Variants in CNBD1 observed in about 807,000 individuals in gnomAD.
The protein encoded by CNBD1 is cyclic nucleotide binding domain containing 1.
Under a neutral mutation model 54.4 loss-of-function variants are expected in CNBD1, and 71 were observed. The ratio of observed to expected loss-of-function variants is 1.30; its 90% CI spans 1.08 to 1.59. The LOEUF is 1.59. Among genes scored for constraint, CNBD1 ranks in the 40% most tolerant of loss-of-function variants. The pLI is 0.00. For missense variants in CNBD1, 659 were observed against 518.0 expected (o/e 1.27, Z -2.64); for synonymous variants, 182 against 170.7 (o/e 1.07, Z -0.51).
At chr8:87,387,952 G>A (rs565154947) in intron 2 of CNBD1, among the ~76,000 whole-genome samples, 1 of 151,998 alleles carries the variant, frequency 6.6e-6, no homozygotes, top group African/African-American at 2.4e-5. Context: ...TTAAGAAACT[G>A]ACTCAAAACC....
At chr8:86,987,934 A>G (rs980333739) in intron 4 of CNBD1, among the ~76,000 whole-genome samples, 1 of 152,130 alleles carries the variant, frequency 6.6e-6, no homozygotes, top group African/African-American at 2.4e-5. Context: ...GTCTATGTTC[A>G]TCAGAGATAT....
chr8:86,984,963 T>TCATTTG (rs1808573680), intron 4 of CNBD1, among the ~76,000 whole-genome samples: 1 of 151,970 alleles, frequency 6.6e-6, no homozygotes, highest in South Asian at 2.1e-4. Context: ...GGGGTCGGGG[T>TCATTTG]GGAATGACAT....
At chr8:87,179,916 C>T (rs1372230392) in intron 4 of CNBD1, among the ~76,000 whole-genome samples, 1 of 152,096 alleles carries the variant, frequency 6.6e-6, no homozygotes, top group Non-Finnish European at 1.5e-5. Context: ...CAGGATGTCA[C>T]CATGAATCAC....
chr8:87,365,966 C>T (rs1275365109), intron 10 of CNBD1, among the ~76,000 whole-genome samples: 1 of 152,000 alleles, frequency 6.6e-6, no homozygotes, highest in Non-Finnish European at 1.5e-5. Flanking sequence ...ACTCTTAAGT[C>T]ATAAAATGTC....
chr8:86,982,318 G>C (rs897682773), intron 4 of CNBD1, among the ~76,000 whole-genome samples: 1 of 152,086 alleles, frequency 6.6e-6, no homozygotes, highest in Admixed American at 6.6e-5. Flanking sequence ...TTTTCTATCA[G>C]TTTGTGGCTT....
In CNBD1 at chr8:87,106,378, A is replaced by G. The variant is rs1037642859; in HGVS notation, c.432-99615A>G. 5.9e-5 allele frequency among the ~76,000 whole-genome samples: 9 copies of G among 151,772 alleles called. 1 individual carries two copies. The South Asian group carries it at 1.7e-3, about 28-fold the overall frequency. ...AGGCACCTGCCACCATGCCCAGCTA[A>G]TTTTTGTATTTTTGTAGAGCTGGGG... On this transcript the variant is annotated intron_variant, in intron 4 of 10. Coordinates refer to ENST00000518476, the MANE Select transcript of CNBD1 (RefSeq NM_173538.3).
intron 2 of CNBD1, among the ~76,000 whole-genome samples, chr8:87,424,695 TAGTC>T (rs1462557723): frequency 6.6e-6 from 1 of 152,216 alleles, no homozygotes; most frequent in Non-Finnish European, 1.5e-5. Context: ...GATCCGCTGT[TAGTC>T]TGATGGGCTT....
At chr8:87,247,216 T>C (rs1247455106) in intron 6 of CNBD1, among the ~76,000 whole-genome samples, 4 of 152,174 alleles carry the variant, frequency 2.6e-5, no homozygotes, top group Admixed American at 6.6e-5. Context: ...AAGCAGTTGA[T>C]TCGCTTCTAG....
rs531874684 is a variant in CNBD1, at chr8:87,332,965, T to C, written c.1043-18720T>C. ...TGAATATATAAATTACTTTGGGCAG[T>C]ATGGTCATTTTCATGATCTTGATTC... On this transcript the variant is annotated intron_variant, in intron 8 of 10. Transcript: ENST00000518476. 7.5e-4 allele frequency among the ~76,000 whole-genome samples: 114 copies of C among 152,320 alleles called. 1 individual carries two copies. The highest frequency in any genetic ancestry group is 2.5e-3 in the African/African-American group (106 of 41,582).
chr8:86,941,221 A>T (rs1291058108), intron 4 of CNBD1, among the ~76,000 whole-genome samples: 4 of 152,204 alleles, frequency 2.6e-5, no homozygotes, highest in Admixed American at 1.3e-4. Flanking sequence ...TTATAGAAGG[A>T]AATCTTAACC....
chr8:87,341,973 TACAA>T (rs893624977), intron 8 of CNBD1, among the ~76,000 whole-genome samples: 3 of 152,162 alleles, frequency 2.0e-5, no homozygotes, highest in Admixed American at 6.5e-5. Flanking sequence ...CTGGGTTTCT[TACAA>T]ACAAAACTCA....
intron 10 of CNBD1, among the ~76,000 whole-genome samples, chr8:87,363,738 T>C (rs910279439): frequency 1.3e-5 from 2 of 152,154 alleles, no homozygotes; most frequent in African/African-American, 4.8e-5. Flanking sequence ...AAGTTCCTTG[T>C]GGATTCTGGA....
intron 6 of CNBD1, among the ~76,000 whole-genome samples, chr8:87,263,974 T>C (rs1460393213): frequency 2.0e-5 from 3 of 152,186 alleles, no homozygotes; most frequent in Non-Finnish European, 4.4e-5. Flanking sequence ...TGTTACTTTA[T>C]GTTGAGTATT....
intron 3 of CNBD1, among the ~76,000 whole-genome samples, chr8:86,933,756 ATT>A (rs1433312669): frequency 6.6e-6 from 1 of 152,152 alleles, no homozygotes; most frequent in Non-Finnish European, 1.5e-5. Flanking sequence ...TATTATGAAT[ATT>A]CTTTTTTATT....
intron 4 of CNBD1, among the ~76,000 whole-genome samples, chr8:87,099,997 G>T (rs1272800445): frequency 6.6e-6 from 1 of 152,160 alleles, no homozygotes. Flanking sequence ...GGAAGAGGAA[G>T]AGTCAGAAAA....
intron 10 of CNBD1, among the ~76,000 whole-genome samples, chr8:87,362,017 A>G (rs1213817907): frequency 6.6e-6 from 1 of 152,092 alleles, no homozygotes; most frequent in Non-Finnish European, 1.5e-5. Flanking sequence ...TTGTTTAAGA[A>G]TGTCTGTCAT....
chr8:87,103,089 A>T (rs1811464571), intron 4 of CNBD1, among the ~76,000 whole-genome samples: 1 of 152,178 alleles, frequency 6.6e-6, no homozygotes, highest in African/African-American at 2.4e-5. Flanking sequence ...TAGTCTTAGA[A>T]ATGATTGGTA....
chr8:87,407,143 C>T (rs985829318), intron 2 of CNBD1, among the ~76,000 whole-genome samples: 4 of 152,074 alleles, frequency 2.6e-5, no homozygotes, highest in Non-Finnish European at 4.4e-5. Flanking sequence ...GAAGCCTTTC[C>T]TTAACCTCTT....
At chr8:87,389,112 G>A (rs887115075) in intron 2 of CNBD1, among the ~76,000 whole-genome samples, 1 of 152,078 alleles carries the variant, frequency 6.6e-6, no homozygotes, top group Admixed American at 6.5e-5. Context: ...AAAATTATAA[G>A]AGCTATTTAT....
Sources: allele counts gnomAD v4.1 joint callset (sites outside exome capture counted in the v4.1 genomes callset), GRCh38; gene constraint gnomAD v4.1.1; transcripts MANE v1.5; gene names NCBI Gene and HGNC (gene_info 2026-07-23, HGNC 2026-07-21).